Variants in SEMA4D observed in about 807,000 individuals in gnomAD.
SEMA4D encodes the protein semaphorin 4D.
In SEMA4D, 22 loss-of-function variants were observed where a neutral mutation model predicts 74.8. That is an observed-to-expected ratio of 0.29 (90% confidence interval 0.21 to 0.42). The LOEUF (loss-of-function observed/expected upper bound fraction) is 0.42. Ranked by LOEUF, SEMA4D falls within the 10% of genes least tolerant of loss-of-function variation. SEMA4D has a pLI of 1.00. For missense variants in SEMA4D, 937 were observed against 1,118.4 expected (o/e 0.84, Z 2.31); for synonymous variants, 445 against 463.7 (o/e 0.96, Z 0.52).
chr9:89,382,232 G>A (rs1160177747), intron 13 of SEMA4D, among the ~76,000 whole-genome samples: 1 of 152,268 alleles, frequency 6.6e-6, no homozygotes, highest in Non-Finnish European at 1.5e-5. Context: ...AAGCTCGGGG[G>A]CGTGCAACAG....
At chr9:89,452,280 G>A (rs1017800950) in intron 2 of SEMA4D, among the ~76,000 whole-genome samples, 9 of 149,938 alleles carry the variant, frequency 6.0e-5, no homozygotes, top group Admixed American at 4.7e-4. Flanking sequence ...CCAGGTTCAC[G>A]CCATTCTCCT....
At chr9:89,454,634 G>A (rs551363149) in intron 2 of SEMA4D, among the ~76,000 whole-genome samples, 3 of 152,358 alleles carry the variant, frequency 2.0e-5, no homozygotes, top group South Asian at 4.1e-4. Context: ...TGGGGCTACC[G>A]AGGGCACTTC....
intron 1 of SEMA4D, among the ~76,000 whole-genome samples, chr9:89,476,536 T>A (rs2136086456): frequency 6.6e-6 from 1 of 152,232 alleles, no homozygotes; most frequent in South Asian, 2.1e-4. Flanking sequence ...CAGGCTGACC[T>A]CCCCCAAGGA....
At chr9:89,421,202 C>T (rs928068996) in intron 2 of SEMA4D, among the ~76,000 whole-genome samples, 1 of 152,218 alleles carries the variant, frequency 6.6e-6, no homozygotes, top group Non-Finnish European at 1.5e-5. Context: ...GCCGTGAGCC[C>T]CTTCTGCTCA....
chr9:89,459,530 T>C (rs1856754208), intron 1 of SEMA4D, among the ~76,000 whole-genome samples: 1 of 151,918 alleles, frequency 6.6e-6, no homozygotes, highest in Non-Finnish European at 1.5e-5. Context: ...CCTACAAGGG[T>C]GTTGGGGGGG....
chr9:89,388,592 G>C, intron 11 of SEMA4D, 44 bp downstream of exon 11: 2 of 1,571,572 alleles, frequency 1.3e-6, no homozygotes, highest in Non-Finnish European at 1.7e-6. Context: ...CATGCCCTGG[G>C]CCTTGAAGGG....
intron 1 of SEMA4D, among the ~76,000 whole-genome samples, chr9:89,488,454 C>G (rs1825374547): frequency 7.4e-6 from 1 of 135,498 alleles, no homozygotes; most frequent in African/African-American, 2.7e-5. Context: ...CTCATTGCAA[C>G]CTCCGCCTCC....
At chr9:89,392,630 T>C in intron 7 of SEMA4D, 94 bp from the exon 8 acceptor site, 1 of 790,002 alleles carries the variant, frequency 1.3e-6, no homozygotes. Context: ...TGTTTTCCTT[T>C]ATAACCCAAT....
intron 18 of SEMA4D, chr9:89,363,404 T>C (rs777809692): frequency 1.2e-6 from 2 of 1,608,240 alleles, no homozygotes; most frequent in Non-Finnish European, 1.7e-6. Flanking sequence ...CAGCCCTCCT[T>C]TCTTTGCCCG....
At chr9:89,450,687 A>AAAAAAAAAAAAAAAAAG (rs1372309489) in intron 2 of SEMA4D, 1 of 981,346 alleles carries the variant, frequency 1.0e-6, no homozygotes, top group African/African-American at 1.8e-5. Flanking sequence ...AAAAAAAAAA[A>AAAAAAAAAAAAAAAAAG]GGCCTCCAAG....
intron 13 of SEMA4D, among the ~76,000 whole-genome samples, chr9:89,383,865 C>G (rs1362778169): frequency 1.3e-5 from 2 of 152,188 alleles, no homozygotes. Context: ...TCCTGCCCCT[C>G]GACGCCCCCT....
intron 1 of SEMA4D, among the ~76,000 whole-genome samples, chr9:89,489,157 C>T (rs1299381750): frequency 1.3e-5 from 2 of 152,204 alleles, no homozygotes; most frequent in Admixed American, 6.5e-5. Flanking sequence ...AACTCTCATG[C>T]GTTAGCAGTG....
chr9:89,383,624 GCA>G (rs1277314771), intron 13 of SEMA4D, among the ~76,000 whole-genome samples: 1 of 152,110 alleles, frequency 6.6e-6, no homozygotes, highest in East Asian at 1.9e-4. Flanking sequence ...TTCAGGTAAC[GCA>G]CTGCACCATG....
intron 1 of SEMA4D, among the ~76,000 whole-genome samples, chr9:89,464,084 C>T (rs1439836937): frequency 6.6e-6 from 1 of 152,086 alleles, no homozygotes; most frequent in Non-Finnish European, 1.5e-5. Context: ...AGAATCAGAA[C>T]ACCAGTCAAA....
chr9:89,362,559 CCT>C, intron 18 of SEMA4D: 1 of 1,513,756 alleles, frequency 6.6e-7, no homozygotes, highest in South Asian at 1.1e-5. Context: ...TGGTTCCCCT[CCT>C]TGGAGTCTAA....
chr9:89,493,531 C>T (rs1236030612), intron 1 of SEMA4D, among the ~76,000 whole-genome samples: 6 of 152,198 alleles, frequency 3.9e-5, no homozygotes, highest in Admixed American at 2.0e-4. Flanking sequence ...GCAGGCCTAA[C>T]GGGAAACTTT....
chr9:89,396,945 C>T, intron 5 of SEMA4D, 110 bp from the exon 6 acceptor site: 2 of 979,506 alleles, frequency 2.0e-6, no homozygotes, highest in Non-Finnish European at 1.6e-6. Flanking sequence ...TTCACCAACA[C>T]CAGCTCACAG....
chr9:89,459,947 T>A (rs1216516163), intron 1 of SEMA4D, among the ~76,000 whole-genome samples: 1 of 151,872 alleles, frequency 6.6e-6, no homozygotes, highest in Non-Finnish European at 1.5e-5. Flanking sequence ...CAGCAGGAGG[T>A]AAGAAATCCC....
Position 89,403,926 on chromosome 9 carries a change from C to T in SEMA4D, c.107-910G>A, listed in dbSNP as rs549694506. ...CCTGGGCAACAGAGCCAGACCCTGA[C>T]TTCGAGAAAAAACAAAGAGAGTCAG... is the stretch of plus-strand genomic sequence containing the variant. On this transcript the variant is annotated intron_variant, in intron 3 of 15. Coordinates refer to ENST00000422704, the MANE Select transcript of SEMA4D (RefSeq NM_001371194.2). 1.2e-4 allele frequency among the ~76,000 whole-genome samples: 18 copies of T among 152,284 alleles called. No homozygotes were observed. The East Asian group carries it at 3.3e-3, about 28-fold the overall frequency.
Sources: allele counts gnomAD v4.1 joint callset (sites outside exome capture counted in the v4.1 genomes callset), GRCh38; gene constraint gnomAD v4.1.1; transcripts MANE v1.5; gene names NCBI Gene and HGNC (gene_info 2026-07-23, HGNC 2026-07-21).